The following TOMM20L variants were observed in gnomAD, a reference collection of about 807,000 sequenced individuals.
TOMM20L encodes the protein translocase of outer mitochondrial membrane 20 like, also known as TOMM20-like protein 1.
In TOMM20L, 19 loss-of-function variants were observed where a neutral mutation model predicts 20.4. The observed-to-expected ratio is 0.93, with a 90% CI of 0.65 to 1.36. TOMM20L has a LOEUF of 1.36. Ranked by LOEUF, TOMM20L falls within the 40% of genes most tolerant of loss-of-function variation. The pLI is 0.00. For synonymous variants in TOMM20L, 75 were observed against 79.6 expected (o/e 0.94, Z 0.30); for missense variants, 218 against 203.7 (o/e 1.07, Z -0.43).
chr14:58,412,718 T>A (rs1046162389), downstream of TOMM20L, among the ~76,000 whole-genome samples: 6 of 152,166 alleles, frequency 3.9e-5, no homozygotes, highest in African/African-American at 1.4e-4. Context: ...CTGGCCAACA[T>A]AGTGAAACCC....
intron 3 of TOMM20L, among the ~76,000 whole-genome samples, 193 bp from the exon 4 acceptor site, chr14:58,407,129 AAATT>A (rs1211490121): frequency 1.3e-5 from 2 of 152,208 alleles, no homozygotes; most frequent in Non-Finnish European, 2.9e-5. Context: ...ATTTGGCTCA[AAATT>A]AATATTGCCG....
At chr14:58,399,282 C>G (rs144985482) in intron 2 of TOMM20L, among the ~76,000 whole-genome samples, 6 of 152,260 alleles carry the variant, frequency 3.9e-5, no homozygotes, top group African/African-American at 7.2e-5. Context: ...AGGACTTTCC[C>G]AAAGTATGGT....
chr14:58,408,789 C>T (rs960156702), downstream of TOMM20L: 9 of 686,136 alleles, frequency 1.3e-5, no homozygotes, highest in Middle Eastern at 4.1e-4. Context: ...GACCAAGCTG[C>T]TGAATCATAA....
At position 58,396,012 on chromosome 14, in the gene TOMM20L, G is replaced by A. The variant is rs1240073890; in HGVS notation, c.55G>A (p.Ala19Thr). The A allele has an allele frequency of 6.9e-6, 10 of 1,452,424 alleles. No individual in the cohort carries two copies. Among genetic ancestry groups the A allele is most frequent in the African/African-American group, 2.9e-5 (2 of 68,124 alleles). The allele number at this position is 1,452,424 out of a possible 1,614,324, so 90.0% of individuals were successfully genotyped here. ...CTTGGCCGCCGCGGCGGCCTGTGGC[G>A]CCTTCGCCTTCCTGGGCTATTGTAT... is the stretch of plus-strand genomic sequence containing the variant. The part of the protein sequence containing the change: ...RLLAAAAACG[A>T]FAFLGYCIYL... Residue 19 changes from alanine (A) to threonine (T), a missense_variant, in exon 1 of 5, where the codon GCC (alanine) becomes ACC (threonine). Ala to Thr is a moderately conservative substitution (Grantham distance 58). Transcript: ENST00000360945.
intron 2 of TOMM20L, among the ~76,000 whole-genome samples, chr14:58,401,441 G>A (rs1342407423): frequency 6.6e-6 from 1 of 151,966 alleles, no homozygotes; most frequent in Non-Finnish European, 1.5e-5. Flanking sequence ...GTGGTGATGG[G>A]CACCTATAGC....
downstream of TOMM20L, among the ~76,000 whole-genome samples, chr14:58,412,388 C>T (rs142126224): frequency 4.5e-4 from 69 of 152,318 alleles, no homozygotes; most frequent in East Asian, 0.01. Context: ...GATCCGCCTG[C>T]CTCGGCTTCC....
downstream of TOMM20L, among the ~76,000 whole-genome samples, chr14:58,412,911 AATAATAATG>A (rs1326327515): frequency 1.1e-4 from 17 of 152,170 alleles, no homozygotes; most frequent in East Asian, 3.3e-3. Flanking sequence ...AAATAATAAT[AATAATAATG>A]ATAATAAAAA....
chr14:58,395,978 C>T lies in TOMM20L; in HGVS notation c.21C>T (p.Leu7=), dbSNP rs1250826875. The T allele has an allele frequency of 4.8e-6, 7 of 1,452,516 alleles. No homozygotes were observed. The highest frequency in any genetic ancestry group is 1.5e-5 in the South Asian group (1 of 66,812). 90.0% of individuals were successfully genotyped at this position (1,452,516 alleles called of 1,614,324 possible). A position where few individuals can be genotyped will look rare whatever the true frequency, so the allele number is the denominator to read the frequency against. MPSVRS[L]LRLLAAAAAC... is the part of the protein sequence containing the mutation. ...GTCGGATGCCCTCCGTCCGCTCCCT[C>T]CTCCGCCTCTTGGCCGCCGCGGCGG... is the stretch of plus-strand genomic sequence containing the variant. Residue 7 remains leucine, a synonymous_variant, in exon 1 of 5, where the codon CTC becomes CTT. Coordinates refer to ENST00000360945, the MANE Select transcript of TOMM20L (RefSeq NM_207377.3).
chr14:58,397,312 C>T (rs1007640993), intron 2 of TOMM20L, among the ~76,000 whole-genome samples: 5 of 152,086 alleles, frequency 3.3e-5, no homozygotes, highest in African/African-American at 9.7e-5. Context: ...AGAGAGAGCA[C>T]GCACATGCAT....
downstream of TOMM20L, chr14:58,410,963 T>C (rs184607846): frequency 5.8e-6 from 9 of 1,542,326 alleles, no homozygotes; most frequent in African/African-American, 1.2e-4. Context: ...GAATGTTCTT[T>C]AGTATTTGGT....
At chr14:58,403,293 G>A (rs2036013958) in intron 3 of TOMM20L, among the ~76,000 whole-genome samples, 1 of 152,192 alleles carries the variant, frequency 6.6e-6, no homozygotes, top group South Asian at 2.1e-4. Flanking sequence ...AGGGGTTTGA[G>A]GTTGCAGTGA....
At chr14:58,416,427 A>G in the TOMM20L span, among the ~76,000 whole-genome samples, 1 of 152,230 alleles carries the variant, frequency 6.6e-6, no homozygotes, top group Non-Finnish European at 1.5e-5. Context: ...GTCAATGCAG[A>G]AACCTGTATC....
downstream of TOMM20L, chr14:58,410,759 A>C: frequency 1.1e-6 from 1 of 913,634 alleles, no homozygotes; most frequent in South Asian, 1.7e-5. Flanking sequence ...TGTAATAAGT[A>C]GGAACAAGTG....
At chr14:58,407,594 A>AT (rs1395147519) in intron 4 of TOMM20L, 126 bp downstream of exon 4, 2 of 1,103,956 alleles carry the variant, frequency 1.8e-6, no homozygotes, top group African/African-American at 3.3e-5. Flanking sequence ...AAATCTCTGA[A>AT]TTTTTGGCTG....
downstream of TOMM20L, chr14:58,408,710 G>A (rs556005513): frequency 2.7e-4 from 230 of 866,510 alleles, 5 homozygotes; most frequent in South Asian, 4.2e-3. Flanking sequence ...ATACATGATC[G>A]AACACATAAG....
rs1273614135 is a variant in TOMM20L at position 58,404,119 on chromosome 14, A to ATTTTT, written c.262+1381_262+1385dup. 1.8e-3 allele frequency among the ~76,000 whole-genome samples: 15 copies of ATTTTT among 8,354 alleles called. 5 individuals carry two copies. Among genetic ancestry groups the ATTTTT allele is most frequent in the African/African-American group, 3.7e-3 (11 of 3,008 alleles). The allele number at this position is 8,354 out of a possible 152,430, so 5.5% of individuals were successfully genotyped here. A position where few individuals can be genotyped will look rare whatever the true frequency, so the allele number is the denominator to read the frequency against. Reference sequence around the variant, plus strand: ...TATATGTATATATATATATATATATATTTTTTTTTTTTTTTTTTTTTTTTT... The same window carrying ATTTTT: ...TATATGTATATATATATATATATATATTTTTTTTTTTTTTTTTTTTTTTTTTTTTT... On this transcript the variant is annotated intron_variant, in intron 3 of 4. Coordinates refer to ENST00000360945, the MANE Select transcript of TOMM20L (RefSeq NM_207377.3).
At position 58,399,885 on chromosome 14, in the gene TOMM20L, CATATATATATAT is replaced by C. The variant is rs869260438; in HGVS notation, c.181-2762_181-2751del. 1.9e-3 allele frequency among the ~76,000 whole-genome samples: 71 copies of C among 37,314 alleles called. No homozygotes were observed. In the South Asian group the frequency reaches 0.022, roughly 12 times the overall value. The allele number at this position is 37,314 out of a possible 152,430, so 24.5% of individuals were successfully genotyped here. A position where few individuals can be genotyped will look rare whatever the true frequency, so the allele number is the denominator to read the frequency against. On this transcript the variant is annotated intron_variant, in intron 2 of 4. Coordinates refer to ENST00000360945, the MANE Select transcript of TOMM20L (RefSeq NM_207377.3). ...ATTCTTATTTTCAAATGCTCTATTG[CATATATATATAT>C]ATATATATATATATATATATATATA... is the stretch of plus-strand genomic sequence containing the variant.
rs1410859289 is a variant in TOMM20L, at chr14:58,407,332, A to G, written c.269A>G (p.His90Arg). 6.2e-7 allele frequency: 1 copy of G among 1,603,540 alleles called. No individual in the cohort carries two copies. The change falls in exon 4 of 5, where the codon CAC becomes CGC. Residue 90 changes from histidine (H) to arginine (R), a missense_variant. Physicochemically the swap from His to Arg is conservative, Grantham distance 29 (BLOSUM62 0). Transcript: ENST00000360945. ...MGELWLSRGE[H>R]RMGIQHLGNA... ...ACTTGTCATTCTGTTTCAGGAGAGC[A>G]CAGAATGGGGATTCAACACCTCGGC...
At chr14:58,399,741 A>ACCT (rs2035968147) in intron 2 of TOMM20L, among the ~76,000 whole-genome samples, 1 of 150,528 alleles carries the variant, frequency 6.6e-6, no homozygotes, top group Non-Finnish European at 1.5e-5. Flanking sequence ...CATCTCCCCC[A>ACCT]CCTTGCCACT....
Sources: gnomAD v4.1 joint callset for allele counts (sites outside exome capture counted in the v4.1 genomes callset) on GRCh38, gnomAD v4.1.1 for gene constraint, MANE v1.5 for transcripts, NCBI Gene and HGNC (gene_info 2026-07-23, HGNC 2026-07-21) for gene names.